The following IL1RAPL2 variants were observed in gnomAD, a reference collection of about 807,000 sequenced individuals.
The protein encoded by IL1RAPL2 is interleukin 1 receptor accessory protein like 2.
IL1RAPL2 carries 3 observed loss-of-function variants against 44.1 expected under a neutral mutation model. The observed-to-expected ratio is 0.07, with a 90% CI of 0.03 to 0.18. IL1RAPL2 has a LOEUF of 0.18. Ranked by LOEUF, IL1RAPL2 falls within the 10% of genes least tolerant of loss-of-function variation. IL1RAPL2 has a pLI of 1.00. For synonymous variants in IL1RAPL2, 181 were observed against 178.8 expected, an observed-to-expected ratio of 1.01 and a Z score of -0.10; for missense variants, 391 against 496.4, an observed-to-expected ratio of 0.79 and a Z score of 2.02.
intron 6 of IL1RAPL2, among the ~76,000 whole-genome samples, chrX:105,504,033 G>A (rs1261098039): frequency 8.9e-6 from 1 of 111,772 alleles, no homozygotes; most frequent in Non-Finnish European, 1.9e-5. Flanking sequence ...CATACATTTT[G>A]GAGGGAACTC....
intron 2 of IL1RAPL2, among the ~76,000 whole-genome samples, chrX:104,719,860 G>T (rs553950491): frequency 1.8e-5 from 2 of 111,472 alleles, no homozygotes; most frequent in African/African-American, 6.5e-5. Flanking sequence ...TGTAGACACC[G>T]CATAATGTCC....
At position 105,227,992 on chromosome X, in the gene IL1RAPL2, A is replaced by G. The variant is rs373329654; in HGVS notation, c.357-5826A>G. 2.6e-4 allele frequency among the ~76,000 whole-genome samples: 29 copies of G among 111,581 alleles called. 1 individual carries two copies. In the East Asian group the frequency reaches 7.8e-3, roughly 30 times the overall value. ...TTATTTTTCTAATGATTTTTGAGAAATAGAACTTATCAAAGGGCTTGAGAT... is the reference window on the plus strand; with the variant it reads ...TTATTTTTCTAATGATTTTTGAGAAGTAGAACTTATCAAAGGGCTTGAGAT... On this transcript the variant is annotated intron_variant, in intron 3 of 10. Coordinates refer to ENST00000372582, the MANE Select transcript of IL1RAPL2 (RefSeq NM_017416.2).
chrX:104,766,492 G>C (rs1932557053), intron 2 of IL1RAPL2, among the ~76,000 whole-genome samples: 1 of 110,553 alleles, frequency 9.0e-6, no homozygotes, highest in South Asian at 3.9e-4. Context: ...TTTCCTTGCA[G>C]GTTCTATCTT....
chrX:105,748,900 G>C, intron 8 of IL1RAPL2, 60 bp from the exon 9 acceptor site: 1 of 1,094,929 alleles, frequency 9.1e-7, no homozygotes, highest in Non-Finnish European at 1.2e-6. Flanking sequence ...CTAGAAATAT[G>C]GGAAGATCCC....
intron 4 of IL1RAPL2, among the ~76,000 whole-genome samples, chrX:105,256,538 A>G (rs2034317018): frequency 9.1e-6 from 1 of 110,448 alleles, no homozygotes. Flanking sequence ...CATGTTGCCC[A>G]GACTGTTCTC....
intron 1 of IL1RAPL2, among the ~76,000 whole-genome samples, chrX:104,582,813 C>CCTTT (rs764524733): frequency 0.048 from 2,255 of 47,246 alleles, 106 homozygotes; most frequent in Non-Finnish European, 0.053. Flanking sequence ...CTCTTTCTCT[C>CCTTT]CTTTCTTTCT....
At chrX:105,539,113 CCAGAG>C (rs2036700766) in intron 6 of IL1RAPL2, among the ~76,000 whole-genome samples, 1 of 111,076 alleles carries the variant, frequency 9.0e-6, no homozygotes, top group Non-Finnish European at 1.9e-5. Flanking sequence ...GCCATACTCC[CCAGAG>C]CAAAGTACAG....
At chrX:105,070,710 A>T (rs959183895) in intron 2 of IL1RAPL2, among the ~76,000 whole-genome samples, 2 of 105,561 alleles carry the variant, frequency 1.9e-5, no homozygotes, top group African/African-American at 7.5e-5. Flanking sequence ...TAAAAATAAA[A>T]AAATATATAT....
intron 4 of IL1RAPL2, among the ~76,000 whole-genome samples, chrX:105,234,505 A>G (rs781812425): frequency 8.9e-6 from 1 of 111,999 alleles, no homozygotes; most frequent in East Asian, 2.8e-4. Context: ...CCACACTCAA[A>G]GGTTGAACAG....
At chrX:105,427,596 T>C (rs2035819706) in intron 5 of IL1RAPL2, among the ~76,000 whole-genome samples, 1 of 112,279 alleles carries the variant, frequency 8.9e-6, no homozygotes, top group Non-Finnish European at 1.9e-5. Context: ...TTGTGTTTAG[T>C]AGACATTCAG....
At chrX:105,198,206 T>C (rs1014698661) in intron 3 of IL1RAPL2, among the ~76,000 whole-genome samples, 1 of 111,889 alleles carries the variant, frequency 8.9e-6, no homozygotes, top group Non-Finnish European at 1.9e-5. Flanking sequence ...CTACGATAAA[T>C]ACATATGTGC....
intron 5 of IL1RAPL2, among the ~76,000 whole-genome samples, chrX:105,419,087 T>C (rs16984759): frequency 0.027 from 3,009 of 111,903 alleles, 101 homozygotes; most frequent in African/African-American, 0.091. Flanking sequence ...TGGTAACTTA[T>C]AACAATTGTC....
chrX:105,185,031 T>C (rs1380006706), intron 2 of IL1RAPL2, among the ~76,000 whole-genome samples: 1 of 111,994 alleles, frequency 8.9e-6, no homozygotes, highest in Non-Finnish European at 1.9e-5. Flanking sequence ...CTCTTAGACG[T>C]CAGTTGACTG....
At chrX:105,249,167 A>T (rs1439880206) in intron 4 of IL1RAPL2, among the ~76,000 whole-genome samples, 1 of 111,664 alleles carries the variant, frequency 9.0e-6, no homozygotes, top group Non-Finnish European at 1.9e-5. Flanking sequence ...TCAGCCATAA[A>T]AAAAGAGATT....
chrX:105,424,764 A>T (rs1237605348), intron 5 of IL1RAPL2, among the ~76,000 whole-genome samples: 1 of 110,052 alleles, frequency 9.1e-6, no homozygotes, highest in Non-Finnish European at 1.9e-5. Flanking sequence ...AAAATAAATG[A>T]ATAAAATAAA....
intron 2 of IL1RAPL2, among the ~76,000 whole-genome samples, chrX:104,761,827 CCTT>C (rs1227116705): frequency 2.1e-4 from 15 of 69,965 alleles, no homozygotes; most frequent in African/African-American, 1.1e-3. Context: ...TCCTCCTTCT[CCTT>C]CTTCTCCTTC....
At chrX:104,571,945 T>C (rs59788067) in intron 1 of IL1RAPL2, among the ~76,000 whole-genome samples, 182 of 112,321 alleles carry the variant, frequency 1.6e-3, no homozygotes, top group African/African-American at 5.7e-3. Context: ...CTGTGTTTTA[T>C]AGTCTTTTGT....
intron 2 of IL1RAPL2, among the ~76,000 whole-genome samples, chrX:104,806,899 G>A (rs1376347561): frequency 2.7e-5 from 3 of 111,869 alleles, no homozygotes; most frequent in Non-Finnish European, 3.8e-5. Flanking sequence ...TGCCTGGTCC[G>A]GGGGTAGTCC....
intron 2 of IL1RAPL2, among the ~76,000 whole-genome samples, chrX:104,673,536 C>A (rs1478243776): frequency 9.0e-6 from 1 of 110,945 alleles, no homozygotes; most frequent in Non-Finnish European, 1.9e-5. Context: ...TAGTGTGATG[C>A]CTCCAGCTTT....
Sources: allele counts gnomAD v4.1 joint callset (sites outside exome capture counted in the v4.1 genomes callset), GRCh38; gene constraint gnomAD v4.1.1; transcripts MANE v1.5; gene names NCBI Gene and HGNC (gene_info 2026-07-23, HGNC 2026-07-21).